The following NXPH1 variants were observed in gnomAD, a reference collection of about 807,000 sequenced individuals.
The protein encoded by NXPH1 is neurexophilin 1, also known as neurexophilin-1.
In NXPH1, 5 loss-of-function variants were observed where a neutral mutation model predicts 23.7. The ratio of observed to expected loss-of-function variants is 0.21; its 90% CI spans 0.11 to 0.44. The LOEUF (loss-of-function observed/expected upper bound fraction) is 0.44, where lower values mean the gene tolerates loss of function less well. NXPH1 is among the 20% of genes least tolerant of loss of function. The pLI is 0.99. For synonymous variants in NXPH1, 144 were observed against 122.2 expected, an observed-to-expected ratio of 1.18 and a Z score of -1.18; for missense variants, 324 against 321.6, an observed-to-expected ratio of 1.01 and a Z score of -0.06.
chr7:8,663,262 C>T (rs1820708005), intron 2 of NXPH1, among the ~76,000 whole-genome samples: 1 of 152,056 alleles, frequency 6.6e-6, no homozygotes. Flanking sequence ...CTAATTCTGC[C>T]TTATCATCCC....
At chr7:8,614,275 C>T (rs1253770235) in intron 2 of NXPH1, among the ~76,000 whole-genome samples, 1 of 151,748 alleles carries the variant, frequency 6.6e-6, no homozygotes, top group African/African-American at 2.4e-5. Flanking sequence ...ACGGCATATA[C>T]CTAGACATTG....
chr7:8,480,626 T>C (rs1037572191), intron 2 of NXPH1, among the ~76,000 whole-genome samples: 8 of 152,178 alleles, frequency 5.3e-5, no homozygotes, highest in African/African-American at 1.9e-4. Flanking sequence ...GGCTTAGTCA[T>C]GCCTTAACAC....
intron 2 of NXPH1, among the ~76,000 whole-genome samples, chr7:8,555,704 GT>G (rs1818346414): frequency 6.6e-6 from 1 of 151,640 alleles, no homozygotes; most frequent in Non-Finnish European, 1.5e-5. Flanking sequence ...AATTTAGGCA[GT>G]TTCCTTCACA....
chr7:8,602,967 T>C (rs549972325), intron 2 of NXPH1, among the ~76,000 whole-genome samples: 32 of 152,154 alleles, frequency 2.1e-4, no homozygotes, highest in Middle Eastern at 3.4e-3. Flanking sequence ...CCCACCACCA[T>C]GCACAGCTAA....
intron 2 of NXPH1, among the ~76,000 whole-genome samples, chr7:8,580,873 A>G (rs1469843069): frequency 6.6e-6 from 1 of 152,122 alleles, no homozygotes; most frequent in African/African-American, 2.4e-5. Context: ...AACATCTGGA[A>G]CTTGGCAGAT....
At chr7:8,614,151 C>G (rs1819680657) in intron 2 of NXPH1, among the ~76,000 whole-genome samples, 2 of 151,752 alleles carry the variant, frequency 1.3e-5, no homozygotes, top group South Asian at 4.2e-4. Context: ...CGTGGATGTG[C>G]CATAATTTAT....
chr7:8,512,962 C>T (rs1369771056), intron 2 of NXPH1, among the ~76,000 whole-genome samples: 1 of 152,120 alleles, frequency 6.6e-6, no homozygotes, highest in Non-Finnish European at 1.5e-5. Flanking sequence ...AGCAAGTAAT[C>T]CTTAGTGGTA....
At chr7:8,631,928 C>G (rs4318966) in intron 2 of NXPH1, among the ~76,000 whole-genome samples, 41,920 of 152,006 alleles carry the variant, frequency 0.28, 6,244 homozygotes, top group African/African-American at 0.35. Flanking sequence ...ATGAGTATTA[C>G]ATTTTTGTAA....
At chr7:8,605,544 A>G (rs1819467586) in intron 2 of NXPH1, among the ~76,000 whole-genome samples, 2 of 152,156 alleles carry the variant, frequency 1.3e-5, no homozygotes, top group African/African-American at 2.4e-5. Context: ...TTTAGTAATA[A>G]CAAGCAACAA....
chr7:8,498,980 A>G (rs1458176638), intron 2 of NXPH1, among the ~76,000 whole-genome samples: 1 of 152,050 alleles, frequency 6.6e-6, no homozygotes, highest in Non-Finnish European at 1.5e-5. Context: ...AAAGTTTGGT[A>G]TTTGACATTC....
chr7:8,669,362 G>C (rs576976931), intron 2 of NXPH1, among the ~76,000 whole-genome samples: 1 of 152,180 alleles, frequency 6.6e-6, no homozygotes, highest in Non-Finnish European at 1.5e-5. Context: ...CTGGCCTAGA[G>C]GTTGAGTCTG....
At chr7:8,687,378 G>C (rs1210293156) in intron 2 of NXPH1, among the ~76,000 whole-genome samples, 1 of 152,028 alleles carries the variant, frequency 6.6e-6, no homozygotes, top group African/African-American at 2.4e-5. Flanking sequence ...TATTTAGTAG[G>C]ACTAATTTTA....
At chr7:8,746,847 C>G (rs867013236) in intron 2 of NXPH1, among the ~76,000 whole-genome samples, 1 of 144,540 alleles carries the variant, frequency 6.9e-6, no homozygotes, top group Non-Finnish European at 1.5e-5. Context: ...TTCTCCCCCG[C>G]TTTCCCCCAC....
chr7:8,619,873 T>C (rs1454030390), intron 2 of NXPH1, among the ~76,000 whole-genome samples: 4 of 152,206 alleles, frequency 2.6e-5, no homozygotes, highest in Non-Finnish European at 5.9e-5. Context: ...AGAAAAGATG[T>C]AGAGAAATTG....
chr7:8,647,226 G>A (rs1820411346), intron 2 of NXPH1, among the ~76,000 whole-genome samples: 1 of 152,154 alleles, frequency 6.6e-6, no homozygotes, highest in South Asian at 2.1e-4. Context: ...TGACCCTCAG[G>A]CCCACAGTGT....
chr7:8,682,178 T>G (rs1034649930), intron 2 of NXPH1, among the ~76,000 whole-genome samples: 1 of 152,160 alleles, frequency 6.6e-6, no homozygotes, highest in African/African-American at 2.4e-5. Context: ...ATGTGGTTAC[T>G]TAGGGTCCTG....
At chr7:8,702,422 G>C (rs1370293504) in intron 2 of NXPH1, among the ~76,000 whole-genome samples, 1 of 152,088 alleles carries the variant, frequency 6.6e-6, no homozygotes, top group Non-Finnish European at 1.5e-5. Context: ...CTAAGCTTCT[G>C]ATGTCCTATC....
At chr7:8,700,766 C>T (rs1002967115) in intron 2 of NXPH1, among the ~76,000 whole-genome samples, 36 of 152,210 alleles carry the variant, frequency 2.4e-4, no homozygotes, top group Admixed American at 2.1e-3. Context: ...GGTTATCCCA[C>T]AGCACCTTAA....
intron 2 of NXPH1, among the ~76,000 whole-genome samples, chr7:8,682,974 C>G (rs1249655973): frequency 2.0e-5 from 3 of 152,222 alleles, no homozygotes; most frequent in Non-Finnish European, 1.5e-5. Context: ...CAGCTACTAA[C>G]TAGCTGGGTA....
Sources: gnomAD v4.1 joint callset for allele counts (sites outside exome capture counted in the v4.1 genomes callset) on GRCh38, gnomAD v4.1.1 for gene constraint, MANE v1.5 for transcripts, NCBI Gene and HGNC (gene_info 2026-07-23, HGNC 2026-07-21) for gene names.